TMX3: variants seen among roughly 807,000 people sequenced by gnomAD.
TMX3 encodes thioredoxin related transmembrane protein 3.
TMX3 carries 40 observed loss-of-function variants against 64.4 expected under a neutral mutation model. The observed-to-expected ratio is 0.62, with a 90% CI of 0.48 to 0.81. The LOEUF (loss-of-function observed/expected upper bound fraction) is 0.81. Among genes scored for constraint, TMX3 ranks in the 30% least tolerant of loss-of-function variants. The pLI, the probability that TMX3 is intolerant of heterozygous loss-of-function variation, is 0.00. For synonymous variants in TMX3, 189 were observed against 175.7 expected (o/e 1.08, Z -0.60); for missense variants, 497 against 534.5 (o/e 0.93, Z 0.69).
rs779483334 is a variant in TMX3 at position 68,710,065 on chromosome 18, C to A, written c.221G>T (p.Gly74Val). ...CATCTTTCCAACCTTAACTGGAGAA[C>A]CAATGCTTTTCATCTCAAGACCAAC... ...NEVGLEMKSI[G>V]SPVKVGKMDA... Residue 74 changes from glycine (G) to valine (V), a missense_variant, in exon 4 of 16, where the codon GGT becomes GTT. By Grantham distance (109) the Gly-to-Val change is moderately radical (BLOSUM62 -3). Transcript: ENST00000299608. 1.2e-6 allele frequency: 2 copies of A among 1,601,902 alleles called. No individual in the cohort carries two copies. The highest frequency in any genetic ancestry group is 1.7e-6 in the Non-Finnish European group (2 of 1,174,442).
At chr18:68,708,578 C>T (rs2030955192) in intron 4 of TMX3, among the ~76,000 whole-genome samples, 1 of 152,060 alleles carries the variant, frequency 6.6e-6, no homozygotes, top group South Asian at 2.1e-4. Flanking sequence ...CAGCAGGCTC[C>T]CAGCATCCAA....
intron 2 of TMX3, among the ~76,000 whole-genome samples, chr18:68,713,189 T>A (rs917085654): frequency 6.6e-6 from 1 of 152,044 alleles, no homozygotes; most frequent in East Asian, 1.9e-4. Flanking sequence ...AGTAGAAAAG[T>A]GCCTCCGCTG....
intron 15 of TMX3, 91 bp from the exon 16 acceptor site, chr18:68,677,284 T>C (rs1913015597): frequency 7.2e-7 from 1 of 1,390,692 alleles, no homozygotes; most frequent in Admixed American, 2.3e-5. Flanking sequence ...TAGATTTCTC[T>C]TGTTGCTATT....
At chr18:68,698,888 A>AGCGGGCGCGGTG (rs1555688731) in intron 6 of TMX3, among the ~76,000 whole-genome samples, 2 of 150,154 alleles carry the variant, frequency 1.3e-5, no homozygotes, top group Non-Finnish European at 3.0e-5. Flanking sequence ...CGGGCGTGGT[A>AGCGGGCGCGGTG]GCGGGCGCCT....
intron 2 of TMX3, 129 bp from the exon 3 acceptor site, chr18:68,711,532 A>G: frequency 1.8e-6 from 1 of 540,762 alleles, no homozygotes; most frequent in Non-Finnish European, 3.1e-6. Flanking sequence ...TACTTTACAT[A>G]AAATTTTTAC....
At position 68,710,154 on chromosome 18, in the gene TMX3, A is replaced by G; in HGVS notation, c.142-10T>C. On this transcript the variant is annotated splice_polypyrimidine_tract_variant and intron_variant, in intron 3 of 15. Transcript: ENST00000299608. ...ACCATGGCGCATAAAACTTGTTTTA[A>G]AAAAACAAACAACAAACAAAAAAAG... The G allele has an allele frequency of 6.6e-7, 1 of 1,523,234 alleles. No homozygotes were observed. The highest frequency in any genetic ancestry group is 8.8e-7 in the Non-Finnish European group (1 of 1,140,350). The allele number at this position is 1,523,234 out of a possible 1,614,324, so 94.4% of individuals were successfully genotyped here.
In TMX3 at chr18:68,711,372, G is replaced by T. The variant is rs758850754; in HGVS notation, c.133C>A (p.Leu45Ile). ...AAAATTTACATACTTACATCTACAA[G>T]CCAAATGTCATCATTTCGATTTTCT... is the stretch of plus-strand genomic sequence containing the variant. ...FKENRNDDIWLVDFYAPWCGH... is the reference protein window; with the variant it reads ...FKENRNDDIWIVDFYAPWCGH... Residue 45 changes from leucine (L) to isoleucine (I), a missense_variant, in exon 3 of 16, where the codon CTT becomes ATT. Leu to Ile is a conservative substitution (Grantham distance 5, BLOSUM62 2). This residue lies in a region of TMX3 where 360 missense variants were observed against 383.5 expected (regional missense o/e 0.94). Coordinates refer to ENST00000299608, the MANE Select transcript of TMX3 (RefSeq NM_019022.5). 2.5e-6 allele frequency: 4 copies of T among 1,587,224 alleles called. No individual in the cohort carries two copies. Among genetic ancestry groups the T allele is most frequent in the Non-Finnish European group, 1.7e-6 (2 of 1,163,298 alleles).
intron 6 of TMX3, among the ~76,000 whole-genome samples, chr18:68,700,100 TCACA>T (rs1357104677): frequency 6.6e-6 from 1 of 152,092 alleles, no homozygotes; most frequent in Admixed American, 6.5e-5. Context: ...AAATTAAGAT[TCACA>T]GAGTTGCTAC....
chr18:68,707,673 T>C (rs1473407225), intron 4 of TMX3, among the ~76,000 whole-genome samples: 1 of 152,178 alleles, frequency 6.6e-6, no homozygotes, highest in Non-Finnish European at 1.5e-5. Context: ...ACTGACCTAT[T>C]CAAGTGATCA....
At chr18:68,694,894 T>C (rs1156588443) in intron 8 of TMX3, among the ~76,000 whole-genome samples, 2 of 152,134 alleles carry the variant, frequency 1.3e-5, no homozygotes, top group African/African-American at 4.8e-5. Flanking sequence ...CATTAAATCA[T>C]GTAAAAGAAA....
At position 68,692,163 on chromosome 18, in the gene TMX3, G is replaced by C. The variant is rs559664416; in HGVS notation, c.571-802C>G. Among the ~76,000 whole-genome samples the C allele has an allele frequency of 6.6e-5, 10 of 152,244 alleles. No individual in the cohort carries two copies. In the South Asian group the frequency reaches 1.2e-3, roughly 19 times the overall value. On this transcript the variant is annotated intron_variant, in intron 8 of 15. Coordinates refer to ENST00000299608, the MANE Select transcript of TMX3 (RefSeq NM_019022.5). ...AGCACTATGAAAATAACAATTTTAA[G>C]GGCAGTGCAAGAGCTCTTAGGTAAG...
At chr18:68,680,018 G>C (rs956151624) in intron 14 of TMX3, among the ~76,000 whole-genome samples, 1 of 152,038 alleles carries the variant, frequency 6.6e-6, no homozygotes, top group Non-Finnish European at 1.5e-5. Flanking sequence ...AGCTCTATGA[G>C]ACAATAAAAT....
intron 9 of TMX3, 80 bp downstream of exon 9, chr18:68,691,215 A>T: frequency 1.0e-6 from 1 of 985,212 alleles, no homozygotes; most frequent in Non-Finnish European, 1.5e-6. Flanking sequence ...AGAAGCATTT[A>T]CATAATCTTT....
rs1381757718 is a variant in TMX3, at chr18:68,675,390, A to T, written c.*1543T>A. 1 of 152,168 alleles carries T rather than the reference A, an allele frequency of 6.6e-6. No homozygotes were observed. Among genetic ancestry groups the T allele is most frequent in the Non-Finnish European group, 1.5e-5 (1 of 68,034 alleles). 9.4% of individuals were successfully genotyped at this position (152,168 alleles called of 1,614,324 possible). A position where few individuals can be genotyped will look rare whatever the true frequency, so the allele number is the denominator to read the frequency against. On this transcript the variant is annotated 3_prime_UTR_variant, in exon 16 of 16. Coordinates refer to ENST00000299608, the MANE Select transcript of TMX3 (RefSeq NM_019022.5). ...AAACACTAAGAATAGGTATTTAATTATTAAATACTAAAAGAGTACATGGAT... is the reference window on the plus strand; with the variant it reads ...AAACACTAAGAATAGGTATTTAATTTTTAAATACTAAAAGAGTACATGGAT...
chr18:68,701,451 G>C (rs1294653100), intron 5 of TMX3, among the ~76,000 whole-genome samples: 1 of 152,010 alleles, frequency 6.6e-6, no homozygotes, highest in Non-Finnish European at 1.5e-5. Context: ...ATCCACACTT[G>C]AACTCCTCAA....
At chr18:68,684,619 A>G in intron 10 of TMX3, 134 bp from the exon 11 acceptor site, 1 of 704,968 alleles carries the variant, frequency 1.4e-6, no homozygotes, top group Non-Finnish European at 2.4e-6. Flanking sequence ...ATGTTATATC[A>G]AATTAAATCA....
intron 8 of TMX3, among the ~76,000 whole-genome samples, chr18:68,695,524 T>C (rs1292336847): frequency 6.6e-6 from 1 of 152,186 alleles, no homozygotes; most frequent in African/African-American, 2.4e-5. Flanking sequence ...ACCCTCCATA[T>C]TTTCAACTTC....
Position 68,710,079 on chromosome 18 carries a change from C to T in TMX3, c.207G>A (p.Glu69=). Residue 69 remains glutamate (E), a synonymous_variant, in exon 4 of 16, where the codon GAG becomes GAA. Transcript: ENST00000299608. ...TAACTGGAGAACCAATGCTTTTCAT[C>T]TCAAGACCAACTTCATTCCAAATTG... is the stretch of plus-strand genomic sequence containing the variant. The part of the protein sequence containing the change: ...LEPIWNEVGL[E]MKSIGSPVKV... The T allele has an allele frequency of 6.2e-7, 1 of 1,604,858 alleles. No individual in the cohort carries two copies. The highest frequency in any genetic ancestry group is 8.5e-7 in the Non-Finnish European group (1 of 1,175,904).
In TMX3 at chr18:68,682,913, CACTTT is replaced by C; in HGVS notation, c.905+7_905+11del. On this transcript the variant is annotated splice_region_variant and intron_variant, in intron 13 of 15. Coordinates refer to ENST00000299608, the MANE Select transcript of TMX3 (RefSeq NM_019022.5). ...TAGATTTGACAGCAAAATCATTCAG[CACTTT>C]ACTTACTCCATCAGCAAGGTATTTA... The C allele has an allele frequency of 6.3e-7, 1 of 1,599,598 alleles. No homozygotes were observed. The highest frequency in any genetic ancestry group is 8.5e-7 in the Non-Finnish European group (1 of 1,171,944).
Sources: gnomAD v4.1 joint callset for allele counts (sites outside exome capture counted in the v4.1 genomes callset) on GRCh38, gnomAD v4.1.1 for gene constraint, gnomAD v4.1.1 regional missense constraint, MANE v1.5 for transcripts, NCBI Gene and HGNC (gene_info 2026-07-23, HGNC 2026-07-21) for gene names.